The following RPH3A variants were observed in gnomAD, a reference collection of about 807,000 sequenced individuals.
RPH3A encodes the protein rabphilin 3A, also known as rabphilin-3A.
RPH3A carries 48 observed loss-of-function variants against 102.2 expected under a neutral mutation model. The ratio of observed to expected loss-of-function variants is 0.47; its 90% confidence interval spans 0.37 to 0.60. The LOEUF (loss-of-function observed/expected upper bound fraction) is 0.60. Ranked by LOEUF, RPH3A falls within the 20% of genes least tolerant of loss-of-function variation. The pLI is 0.00. For missense variants in RPH3A, 781 were observed against 910.1 expected (o/e 0.86, Z 1.83); for synonymous variants, 310 against 324.3 (o/e 0.96, Z 0.47).
intron 8 of RPH3A, chr12:112,869,513 GA>G (rs1199453451): frequency 2.1e-6 from 1 of 468,736 alleles, no homozygotes; most frequent in Non-Finnish European, 3.8e-6. Context: ...TCTAGGCTGA[GA>G]AGGCTGTATA....
chr12:112,659,059 G>C (rs1276477076), intron 1 of RPH3A, among the ~76,000 whole-genome samples: 1 of 152,186 alleles, frequency 6.6e-6, no homozygotes, highest in African/African-American at 2.4e-5. Flanking sequence ...AAAGTTGTGA[G>C]TACAGCACCA....
chr12:112,867,328 G>C (rs2042628763), intron 7 of RPH3A, among the ~76,000 whole-genome samples: 1 of 151,484 alleles, frequency 6.6e-6, no homozygotes, highest in African/African-American at 2.4e-5. Context: ...CTCTTCCCCA[G>C]TCCTGCTTCT....
chr12:112,818,307 TAAA>T (rs745954372), intron 2 of RPH3A, among the ~76,000 whole-genome samples: 2 of 43,832 alleles, frequency 4.6e-5, no homozygotes, highest in African/African-American at 7.9e-5. Flanking sequence ...TCAAGAAGAA[TAAA>T]AAAAAAAAAA....
intron 1 of RPH3A, among the ~76,000 whole-genome samples, chr12:112,675,680 G>A (rs943408479): frequency 3.3e-5 from 5 of 152,168 alleles, no homozygotes; most frequent in African/African-American, 1.2e-4. Context: ...CCCCTGGGAG[G>A]CCTTGCTTTA....
Position 112,858,290 on chromosome 12 carries a change from AAAAAG to A in RPH3A, c.231-7109_231-7105del, listed in dbSNP as rs1467921876. 9.2e-3 allele frequency among the ~76,000 whole-genome samples: 1,326 copies of A among 144,338 alleles called. 47 individuals carry two copies. The highest frequency in any genetic ancestry group is 0.039 in the Admixed American group (511 of 13,000). The allele number at this position is 144,338 out of a possible 152,430, so 94.7% of individuals were successfully genotyped here. A position where few individuals can be genotyped will look rare whatever the true frequency, so the allele number is the denominator to read the frequency against. Reference sequence around the variant, plus strand: ...TCAAAAAAAAAAAAAAAAAAAAAAAAAAAAGAAAAGAAAAGAAAAAGAAAAAAAAA... The same window carrying A: ...TCAAAAAAAAAAAAAAAAAAAAAAAAAAAAGAAAAGAAAAAGAAAAAAAAA... On this transcript the variant is annotated intron_variant, in intron 5 of 21. Coordinates refer to ENST00000389385, the MANE Select transcript of RPH3A (RefSeq NM_001143854.2).
chr12:112,873,765 G>T (rs1432922348), intron 10 of RPH3A: 3 of 152,234 alleles, frequency 2.0e-5, no homozygotes, highest in Non-Finnish European at 2.9e-5. Context: ...GCTTCCATGA[G>T]GCGATGTTCA....
At chr12:112,774,110 A>C (rs1029891241) in intron 1 of RPH3A, among the ~76,000 whole-genome samples, 7 of 151,954 alleles carry the variant, frequency 4.6e-5, no homozygotes, top group Admixed American at 2.6e-4. Flanking sequence ...AAGGATGCCA[A>C]GAAACAAGAA....
intron 1 of RPH3A, among the ~76,000 whole-genome samples, chr12:112,734,352 T>C (rs969285230): frequency 5.3e-5 from 8 of 152,220 alleles, no homozygotes; most frequent in African/African-American, 1.9e-4. Context: ...TTTGTGTGAA[T>C]ACACTCTATG....
intron 1 of RPH3A, among the ~76,000 whole-genome samples, chr12:112,765,789 G>A (rs1405221227): frequency 6.6e-6 from 1 of 152,128 alleles, no homozygotes; most frequent in Non-Finnish European, 1.5e-5. Flanking sequence ...GCTCATCTTA[G>A]TACCCATTGA....
intron 1 of RPH3A, among the ~76,000 whole-genome samples, chr12:112,774,063 CAA>C (rs11375355): frequency 1.3e-4 from 14 of 108,384 alleles, no homozygotes; most frequent in Non-Finnish European, 1.2e-4. Context: ...CCAGCCTGGG[CAA>C]AAAAAAAAAA....
At chr12:112,872,367 C>G (rs1055775393) in intron 10 of RPH3A, among the ~76,000 whole-genome samples, 1 of 152,154 alleles carries the variant, frequency 6.6e-6, no homozygotes, top group Non-Finnish European at 1.5e-5. Flanking sequence ...CACAGCTATT[C>G]AAGTCCTTTG....
chr12:112,824,655 G>A (rs2136144974), intron 2 of RPH3A, among the ~76,000 whole-genome samples: 1 of 152,268 alleles, frequency 6.6e-6, no homozygotes, highest in African/African-American at 2.4e-5. Context: ...GTCCAATCCT[G>A]GGATGTTAAG....
chr12:112,837,307 G>A (rs2042070149), intron 4 of RPH3A, among the ~76,000 whole-genome samples: 1 of 152,124 alleles, frequency 6.6e-6, no homozygotes. Context: ...GGGATCGAAT[G>A]AGATGTTTGC....
chr12:112,735,470 A>C (rs1184791461), intron 1 of RPH3A, among the ~76,000 whole-genome samples: 1 of 152,226 alleles, frequency 6.6e-6, no homozygotes, highest in Non-Finnish European at 1.5e-5. Context: ...CTTCCAGATA[A>C]AAATGTCTAG....
chr12:112,763,223 G>T (rs2040866412), intron 1 of RPH3A, among the ~76,000 whole-genome samples: 1 of 152,212 alleles, frequency 6.6e-6, no homozygotes, highest in Admixed American at 6.5e-5. Flanking sequence ...CTAGGACATG[G>T]TGTGCATTCA....
chr12:112,649,704 G>T (rs1169740245), intron 1 of RPH3A, among the ~76,000 whole-genome samples: 1 of 152,168 alleles, frequency 6.6e-6, no homozygotes, highest in Non-Finnish European at 1.5e-5. Context: ...GCCTGTTACG[G>T]CTGCCATAAC....
intron 1 of RPH3A, among the ~76,000 whole-genome samples, chr12:112,752,298 CTT>C (rs2040790454): frequency 6.6e-6 from 1 of 152,092 alleles, no homozygotes; most frequent in South Asian, 2.1e-4. Flanking sequence ...TTTTCATAAC[CTT>C]TGTTTGTTTC....
At chr12:112,693,212 T>C (rs2040320655) in intron 1 of RPH3A, among the ~76,000 whole-genome samples, 1 of 152,244 alleles carries the variant, frequency 6.6e-6, no homozygotes, top group African/African-American at 2.4e-5. Context: ...TGGTTTGTAC[T>C]GTCTACAGAT....
chr12:112,840,595 G>A (rs1384266266), intron 4 of RPH3A, among the ~76,000 whole-genome samples: 1 of 152,140 alleles, frequency 6.6e-6, no homozygotes, highest in Non-Finnish European at 1.5e-5. Context: ...TCTTGGGCAT[G>A]CTAAAGTTTG....
Sources: gnomAD v4.1 joint callset for allele counts (sites outside exome capture counted in the v4.1 genomes callset) on GRCh38, gnomAD v4.1.1 for gene constraint, MANE v1.5 for transcripts, NCBI Gene and HGNC (gene_info 2026-07-23, HGNC 2026-07-21) for gene names.